FGD3: variants seen among roughly 807,000 people sequenced by gnomAD.
FGD3 encodes the protein FYVE, RhoGEF and PH domain containing 3, also known as FYVE, RhoGEF and PH domain-containing protein 3.
FGD3 carries 45 observed loss-of-function variants against 71.8 expected under a neutral mutation model. The ratio of observed to expected loss-of-function variants is 0.63; its 90% CI spans 0.49 to 0.80. FGD3 has a LOEUF of 0.80. Among genes scored for constraint, FGD3 ranks in the 30% least tolerant of loss-of-function variants. The probability of loss-of-function intolerance (pLI) is 0.00; values close to 1 mark genes in which losing one functional copy is unlikely to be tolerated. For missense variants in FGD3, 844 were observed against 951.5 expected (o/e 0.89, Z 1.49); for synonymous variants, 378 against 392.8 (o/e 0.96, Z 0.44).
intron 17 of FGD3, 50 bp from the exon 18 acceptor site, chr9:93,035,288 C>A: frequency 6.3e-7 from 1 of 1,575,012 alleles, no homozygotes; most frequent in African/African-American, 1.3e-5. Context: ...TGAGGTGAGC[C>A]CGAGGCCGGG....
At chr9:93,013,817 A>G in intron 8 of FGD3, 35 bp from the exon 9 acceptor site, 1 of 1,609,794 alleles carries the variant, frequency 6.2e-7, no homozygotes, top group South Asian at 1.1e-5. Flanking sequence ...CCACTCTCAC[A>G]GACCTTTGGT....
intron 3 of FGD3, among the ~76,000 whole-genome samples, chr9:92,995,274 T>C (rs543759610): frequency 6.2e-4 from 95 of 152,290 alleles, no homozygotes; most frequent in African/African-American, 2.0e-3. Context: ...GGCTCTCTGT[T>C]TGTCTGTTAT....
intron 3 of FGD3, among the ~76,000 whole-genome samples, chr9:92,981,323 G>A (rs977278898): frequency 7.5e-5 from 11 of 145,836 alleles, no homozygotes; most frequent in African/African-American, 2.0e-4. Flanking sequence ...ACCTGATATC[G>A]CGCCACTGCA....
chr9:93,034,701 C>T lies in FGD3; in HGVS notation c.1926+20C>T, dbSNP rs1862522452. 6.2e-7 allele frequency: 1 copy of T among 1,606,458 alleles called. No homozygotes were observed. ...AGCCAGGTACGTGTCCCCACCCCAC[C>T]AGGCCCTCAGGCCAGCAGCCCAGAG... On this transcript the variant is annotated intron_variant, in intron 17 of 17. Transcript: ENST00000375482.
chr9:93,024,723 G>T (rs1862056422), intron 14 of FGD3, among the ~76,000 whole-genome samples: 1 of 152,224 alleles, frequency 6.6e-6, no homozygotes, highest in South Asian at 2.1e-4. Flanking sequence ...TGTAGGAACA[G>T]CAGGAGCCCA....
intron 8 of FGD3, among the ~76,000 whole-genome samples, chr9:93,012,670 C>T (rs1861463010): frequency 8.4e-6 from 1 of 118,766 alleles, no homozygotes; most frequent in South Asian, 2.4e-4. Flanking sequence ...CTGTGAGCCA[C>T]CAGGTGTGGG....
At chr9:92,963,390 C>T (rs1453189684) in intron 1 of FGD3, among the ~76,000 whole-genome samples, 3 of 152,180 alleles carry the variant, frequency 2.0e-5, no homozygotes, top group Non-Finnish European at 4.4e-5. Flanking sequence ...ACCTCCACCT[C>T]TGGGGTTCGA....
At chr9:92,978,031 C>T (rs1322675255) in intron 3 of FGD3, among the ~76,000 whole-genome samples, 1 of 152,136 alleles carries the variant, frequency 6.6e-6, no homozygotes, top group Non-Finnish European at 1.5e-5. Flanking sequence ...GCCTATAATC[C>T]TAGCACTTTG....
chr9:92,958,154 A>G (rs891866959), intron 1 of FGD3, among the ~76,000 whole-genome samples: 2 of 151,968 alleles, frequency 1.3e-5, no homozygotes, highest in African/African-American at 4.8e-5. Flanking sequence ...GCGCACCACC[A>G]TGCCCAGGTA....
intron 1 of FGD3, among the ~76,000 whole-genome samples, chr9:92,966,005 G>A (rs945237292): frequency 2.0e-5 from 3 of 152,194 alleles, no homozygotes; most frequent in African/African-American, 7.2e-5. Context: ...GAGCAGAGCC[G>A]GGCACTGTGG....
intron 7 of FGD3, 151 bp downstream of exon 7, chr9:93,010,535 C>G: frequency 5.0e-6 from 4 of 805,064 alleles, no homozygotes; most frequent in South Asian, 2.7e-5. Context: ...GAGACAGAGG[C>G]AGGGGAGGGA....
At chr9:92,995,933 T>C (rs1338932262) in intron 3 of FGD3, among the ~76,000 whole-genome samples, 1 of 151,934 alleles carries the variant, frequency 6.6e-6, no homozygotes, top group Non-Finnish European at 1.5e-5. Context: ...GGTCTAAAAT[T>C]CTCTTTTTTT....
chr9:93,029,785 A>G, intron 14 of FGD3, 89 bp from the exon 15 acceptor site: 1 of 1,516,066 alleles, frequency 6.6e-7, no homozygotes, highest in Non-Finnish European at 8.9e-7. Flanking sequence ...TGTGGCTTTT[A>G]CAGTCACGAG....
Position 93,015,611 on chromosome 9 carries a change from T to A in FGD3, c.1183-126T>A, listed in dbSNP as rs566308253. On this transcript the variant is annotated intron_variant, in intron 9 of 17. Coordinates refer to ENST00000375482, the MANE Select transcript of FGD3 (RefSeq NM_001083536.2). ...AGTTAAAATTACTGCACATATCTTT[T>A]AAAAATATTTTTCACTTTATAACAT... 3.6e-5 allele frequency: 22 copies of A among 616,918 alleles called. No homozygotes were observed. The East Asian group carries it at 6.1e-4, about 17-fold the overall frequency. The allele number at this position is 616,918 out of a possible 1,614,324, so 38.2% of individuals were successfully genotyped here. A position where few individuals can be genotyped will look rare whatever the true frequency, so the allele number is the denominator to read the frequency against.
chr9:93,007,177 G>A (rs1416360512), intron 6 of FGD3, among the ~76,000 whole-genome samples: 3 of 151,106 alleles, frequency 2.0e-5, no homozygotes, highest in East Asian at 1.9e-4. Context: ...TGTAAGCTCC[G>A]CCTCCCAGGT....
chr9:93,033,305 CT>C (rs1862433908), intron 16 of FGD3: 1 of 206,756 alleles, frequency 4.8e-6, no homozygotes. Flanking sequence ...CCGTCCCCTT[CT>C]CCTCCTCCTC....
At chr9:93,002,154 G>A (rs1587843594) in intron 3 of FGD3, among the ~76,000 whole-genome samples, 1 of 152,288 alleles carries the variant, frequency 6.6e-6, no homozygotes, top group East Asian at 1.9e-4. Flanking sequence ...GCCCTGTCCT[G>A]CATGAAGTGT....
At chr9:92,961,254 G>T (rs1859162618) in intron 1 of FGD3, among the ~76,000 whole-genome samples, 2 of 152,214 alleles carry the variant, frequency 1.3e-5, no homozygotes, top group African/African-American at 4.8e-5. Flanking sequence ...CCACCTGGGG[G>T]AGGATGAGCA....
Position 93,010,261 on chromosome 9 carries a change from G to A in FGD3, c.853G>A (p.Gly285Arg), listed in dbSNP as rs1409788194. Reference protein sequence around the residue: ...VHSIQKQEVCGNLTLQHHMLE... With the variant: ...VHSIQKQEVCRNLTLQHHMLE... ...GTCCCCACAGAAGCAGGAGGTATGC[G>A]GGAACCTGACGCTGCAGCACCACAT... is the stretch of plus-strand genomic sequence containing the variant. Residue 285 changes from glycine to arginine, a missense_variant, in exon 7 of 18, where the codon GGG becomes AGG. Physicochemically the swap from Gly to Arg is moderately radical, Grantham distance 125 (BLOSUM62 -2). Coordinates refer to ENST00000375482, the MANE Select transcript of FGD3 (RefSeq NM_001083536.2). 1.2e-6 allele frequency: 2 copies of A among 1,610,662 alleles called. No individual in the cohort carries two copies. The highest frequency in any genetic ancestry group is 1.7e-4 in the Middle Eastern group (1 of 6,030).
Sources: allele counts gnomAD v4.1 joint callset (sites outside exome capture counted in the v4.1 genomes callset), GRCh38; gene constraint gnomAD v4.1.1; transcripts MANE v1.5; gene names NCBI Gene and HGNC (gene_info 2026-07-23, HGNC 2026-07-21).